The following CARF variants were observed in gnomAD, a reference collection of about 807,000 sequenced individuals.
CARF encodes calcium responsive transcription factor, also known as calcium-responsive transcription factor.
Under a neutral mutation model 82.0 loss-of-function variants are expected in CARF, and 57 were observed. The ratio of observed to expected loss-of-function variants is 0.70; its 90% confidence interval spans 0.56 to 0.87. The LOEUF (loss-of-function observed/expected upper bound fraction) is 0.87, where lower values mean the gene tolerates loss of function less well. Ranked by LOEUF, CARF falls within the 40% of genes least tolerant of loss-of-function variation. CARF has a pLI of 0.00. For missense variants in CARF, 771 were observed against 855.8 expected, an observed-to-expected ratio of 0.90 and a Z score of 1.24; for synonymous variants, 268 against 290.1, an observed-to-expected ratio of 0.92 and a Z score of 0.77.
intron 3 of CARF, among the ~76,000 whole-genome samples, chr2:202,938,650 GTTTT>G (rs916044083): frequency 7.7e-4 from 64 of 82,854 alleles, no homozygotes; most frequent in African/African-American, 2.1e-3. Flanking sequence ...TTGTGGGGGG[GTTTT>G]TTTTGTTTTT....
At chr2:202,915,083 C>G (rs1689373160) in intron 1 of CARF, among the ~76,000 whole-genome samples, 1 of 151,902 alleles carries the variant, frequency 6.6e-6, no homozygotes, top group Non-Finnish European at 1.5e-5. Flanking sequence ...GTGGCGCTAT[C>G]TTAGCTCACT....
At position 202,986,901 on chromosome 2, in the gene CARF, T is replaced by TATACATATATATATATATAC. The variant is rs1553584748; in HGVS notation, c.*3280_*3281insCATATATATATATATACATA. The stretch of plus-strand genomic sequence containing the variant: ...ATATATATATATATATATATATATA[T>TATACATATATATATATATAC]ATATATAGCAACTTGATGTATAGTG... On this transcript the variant is annotated 3_prime_UTR_variant, in exon 17 of 17. Coordinates refer to ENST00000438828, the MANE Select transcript of CARF (RefSeq NM_024744.17). 7.3e-6 allele frequency: 1 copy of TATACATATATATATATATAC among 137,310 alleles called. No homozygotes were observed. The highest frequency in any genetic ancestry group is 1.6e-5 in the Non-Finnish European group (1 of 63,278). 8.5% of individuals were successfully genotyped at this position (137,310 alleles called of 1,614,324 possible).
rs374632298 is a variant in CARF at position 202,932,647 on chromosome 2, T to TGCA, written c.-44+8257_-44+8259dup. 7.0e-3 allele frequency among the ~76,000 whole-genome samples: 1,058 copies of TGCA among 151,650 alleles called. 4 individuals carry two copies. Among genetic ancestry groups the TGCA allele is most frequent in the African/African-American group, 8.2e-3 (339 of 41,362 alleles). On this transcript the variant is annotated intron_variant, in intron 3 of 16. Coordinates refer to ENST00000438828, the MANE Select transcript of CARF (RefSeq NM_024744.17). ...GTATCTCAGACTCTGTGAGGCCAGT[T>TGCA]GCAGCAGCAGCAGCAGCAGCAGCAG...
intron 14 of CARF, among the ~76,000 whole-genome samples, chr2:202,977,763 A>G (rs552366030): frequency 2.0e-5 from 3 of 152,142 alleles, no homozygotes; most frequent in South Asian, 4.1e-4. Context: ...TTTCTTATGC[A>G]TGGCAAACTC....
At chr2:202,942,001 C>T (rs75869289) in intron 4 of CARF, 21 bp downstream of exon 4, 177,537 of 1,593,706 alleles carry the variant, frequency 0.11, 11,203 homozygotes, top group Non-Finnish European at 0.13. Flanking sequence ...AGCTGGGAAC[C>T]TTTTTCCATC....
At chr2:202,943,202 G>A (rs558970169) in intron 5 of CARF, among the ~76,000 whole-genome samples, 14 of 152,190 alleles carry the variant, frequency 9.2e-5, no homozygotes, top group African/African-American at 3.4e-4. Context: ...CTCCCAAGTA[G>A]CTGGGATTAC....
chr2:202,949,825 C>T (rs917197433), intron 5 of CARF, among the ~76,000 whole-genome samples: 9 of 152,070 alleles, frequency 5.9e-5, no homozygotes, highest in African/African-American at 2.2e-4. Flanking sequence ...GCTGGGATTA[C>T]AGGCGTGAGC....
At chr2:202,944,737 T>G (rs1004779138) in intron 5 of CARF, among the ~76,000 whole-genome samples, 3 of 152,184 alleles carry the variant, frequency 2.0e-5, no homozygotes, top group African/African-American at 4.8e-5. Context: ...CTTCTGTAGT[T>G]TCCCCTTTAT....
intron 1 of CARF, among the ~76,000 whole-genome samples, chr2:202,915,711 A>T (rs182104216): frequency 6.6e-6 from 1 of 151,192 alleles, no homozygotes; most frequent in Non-Finnish European, 1.5e-5. Context: ...CTTGTGATCC[A>T]TCTGCTCAGC....
At chr2:202,916,103 T>C (rs1183720388) in intron 1 of CARF, among the ~76,000 whole-genome samples, 1 of 152,132 alleles carries the variant, frequency 6.6e-6, no homozygotes, top group East Asian at 1.9e-4. Flanking sequence ...AGGAATGTTA[T>C]GTCATTTACC....
intron 9 of CARF, among the ~76,000 whole-genome samples, chr2:202,964,601 C>A (rs563858905): frequency 4.9e-4 from 74 of 151,746 alleles, no homozygotes; most frequent in African/African-American, 1.6e-3. Flanking sequence ...TTTTTTAAAG[C>A]CTTAAAAAAC....
rs1559299503 is a variant in CARF, at chr2:202,986,905, T to TATATAC, written c.*3284_*3285insTACATA. On this transcript the variant is annotated 3_prime_UTR_variant, in exon 17 of 17. Transcript: ENST00000438828. Reference sequence around the variant, plus strand: ...ATATATATATATATATATATATATATATAGCAACTTGATGTATAGTGTCCT... The same window carrying TATATAC: ...ATATATATATATATATATATATATATATATACATAGCAACTTGATGTATAGTGTCCT... The TATATAC allele has an allele frequency of 7.8e-6, 1 of 127,794 alleles. No homozygotes were observed. The highest frequency in any genetic ancestry group is 2.8e-5 in the African/African-American group (1 of 36,020). 7.9% of individuals were successfully genotyped at this position (127,794 alleles called of 1,614,324 possible).
intron 3 of CARF, among the ~76,000 whole-genome samples, chr2:202,935,137 ATATAAT>A (rs1443297033): frequency 1.1e-5 from 1 of 94,178 alleles, no homozygotes; most frequent in Non-Finnish European, 2.3e-5. Context: ...TAATTATATA[ATATAAT>A]TATAATATAT....
intron 3 of CARF, among the ~76,000 whole-genome samples, chr2:202,927,006 G>A (rs1691959088): frequency 1.3e-5 from 2 of 152,044 alleles, no homozygotes; most frequent in African/African-American, 2.4e-5. Context: ...GTAGAGATAA[G>A]GTTTCATCAT....
In CARF at chr2:202,953,990, G is replaced by A; in HGVS notation, c.428-15G>A. ...AAGATATTGATGTTACTTTGTTCTTGTTTTTGTTGTTAAGATGTCCCTGAA... is the reference window on the plus strand; with the variant it reads ...AAGATATTGATGTTACTTTGTTCTTATTTTTGTTGTTAAGATGTCCCTGAA... On this transcript the variant is annotated splice_polypyrimidine_tract_variant and intron_variant, in intron 6 of 16. Coordinates refer to ENST00000438828, the MANE Select transcript of CARF (RefSeq NM_024744.17). The A allele has an allele frequency of 1.9e-6, 3 of 1,588,842 alleles. No individual in the cohort carries two copies. The highest frequency in any genetic ancestry group is 1.8e-5 in the Admixed American group (1 of 54,768).
chr2:202,955,812 T>C (rs2059008877), intron 8 of CARF, 54 bp downstream of exon 8: 2 of 1,390,088 alleles, frequency 1.4e-6, no homozygotes, highest in Non-Finnish European at 2.0e-6. Flanking sequence ...TAACCACAGG[T>C]CATCCCCAAA....
intron 12 of CARF, 52 bp from the exon 13 acceptor site, chr2:202,974,282 A>G: frequency 7.6e-7 from 1 of 1,317,618 alleles, no homozygotes; most frequent in Non-Finnish European, 1.0e-6. Context: ...TTTGATCTAA[A>G]GGCATATTGC....
At chr2:202,918,545 CA>C in intron 2 of CARF, among the ~76,000 whole-genome samples, 1 of 149,988 alleles carries the variant, frequency 6.7e-6, no homozygotes, top group Admixed American at 6.6e-5. Flanking sequence ...CAAAACAAAA[CA>C]AAAAAAACAA....
chr2:202,931,808 G>A (rs1000344758), intron 3 of CARF, among the ~76,000 whole-genome samples: 1 of 151,416 alleles, frequency 6.6e-6, no homozygotes, highest in Non-Finnish European at 1.5e-5. Context: ...TCCCCAAAGG[G>A]AAGACTTAAC....
Sources: allele counts gnomAD v4.1 joint callset (sites outside exome capture counted in the v4.1 genomes callset), GRCh38; gene constraint gnomAD v4.1.1; transcripts MANE v1.5; gene names NCBI Gene and HGNC (gene_info 2026-07-23, HGNC 2026-07-21).